EFHC1: variants seen among roughly 807,000 people sequenced by gnomAD.
EFHC1 encodes EF-hand domain-containing protein 1.
Under a neutral mutation model 69.9 loss-of-function variants are expected in EFHC1, and 53 were observed. The ratio of observed to expected loss-of-function variants is 0.76; its 90% CI spans 0.61 to 0.95. The LOEUF is 0.95. EFHC1 is among the 40% of genes least tolerant of loss of function. EFHC1 has a pLI of 0.00. For synonymous variants in EFHC1, 256 were observed against 278.4 expected (o/e 0.92, Z 0.80); for missense variants, 739 against 798.7 (o/e 0.93, Z 0.90).
chr6:52,429,032 A>G (rs1034870894), intron 2 of EFHC1, among the ~76,000 whole-genome samples: 2 of 151,982 alleles, frequency 1.3e-5, no homozygotes, highest in African/African-American at 2.4e-5. Context: ...CCACTTTTTG[A>G]TGGGCTTCTT....
chr6:52,448,048 G>A (rs931195086), intron 3 of EFHC1, among the ~76,000 whole-genome samples: 4 of 152,226 alleles, frequency 2.6e-5, no homozygotes, highest in South Asian at 2.1e-4. Flanking sequence ...CAGTCTGTCC[G>A]TTCTCAGATC....
At chr6:52,436,942 T>C (rs576741896) in intron 2 of EFHC1, among the ~76,000 whole-genome samples, 1 of 152,142 alleles carries the variant, frequency 6.6e-6, no homozygotes, top group African/African-American at 2.4e-5. Context: ...ACGCCTGGCA[T>C]AGTTTATGTT....
At chr6:52,467,517 T>C (rs1207549912) in intron 6 of EFHC1, among the ~76,000 whole-genome samples, 1 of 152,076 alleles carries the variant, frequency 6.6e-6, no homozygotes, top group Non-Finnish European at 1.5e-5. Context: ...TTTTGAGTCT[T>C]AGAATACCTC....
chr6:52,438,530 G>C lies in EFHC1; in HGVS notation c.512G>C (p.Gly171Ala). 2 of 1,614,024 alleles carry C rather than the reference G, an allele frequency of 1.2e-6. No homozygotes were observed. Among genetic ancestry groups the C allele is most frequent in the Non-Finnish European group, 1.7e-6 (2 of 1,179,950 alleles). Residue 171 changes from glycine to alanine, a missense_variant, in exon 3 of 11, where the codon GGA (glycine) becomes GCA (alanine). Gly to Ala is a moderately conservative substitution (Grantham distance 60). Coordinates refer to ENST00000371068, the MANE Select transcript of EFHC1 (RefSeq NM_018100.4). ...DHYHWKDLNR[G>A]INITIYGKTF... Reference sequence around the variant, plus strand: ...TACCATTGGAAAGACCTAAATCGAGGAATAAACATCACAATTTATGGCAAA... The same window carrying C: ...TACCATTGGAAAGACCTAAATCGAGCAATAAACATCACAATTTATGGCAAA...
chr6:52,441,354 C>T (rs909178187), intron 3 of EFHC1, among the ~76,000 whole-genome samples: 9 of 151,674 alleles, frequency 5.9e-5, no homozygotes, highest in Non-Finnish European at 8.9e-5. Flanking sequence ...AGCAGGTTAT[C>T]CCAGCACCTT....
intron 6 of EFHC1, chr6:52,468,498 A>G (rs1765360092): frequency 6.6e-6 from 1 of 152,192 alleles, no homozygotes; most frequent in Non-Finnish European, 1.5e-5. Flanking sequence ...ATTTGAGAAG[A>G]AGGCCCAGAG....
intron 9 of EFHC1, chr6:52,483,620 TC>T: frequency 6.6e-6 from 1 of 152,160 alleles, no homozygotes; most frequent in Middle Eastern, 3.2e-3. Flanking sequence ...GGTGGTTACT[TC>T]CGGATGTTGT....
chr6:52,453,591 T>C (rs1302125675), intron 4 of EFHC1: 5 of 1,263,802 alleles, frequency 4.0e-6, no homozygotes, highest in Non-Finnish European at 5.1e-6. Flanking sequence ...TTAAAGATTG[T>C]GTTTATTCCC....
chr6:52,441,799 T>C (rs1581821222), intron 3 of EFHC1, among the ~76,000 whole-genome samples: 1 of 152,158 alleles, frequency 6.6e-6, no homozygotes, highest in Non-Finnish European at 1.5e-5. Context: ...GTAATTCTCA[T>C]TGTAGAGATC....
In EFHC1 at chr6:52,480,150, CAT is replaced by C; in HGVS notation, c.1640+364_1640+365del. ...CAGTTGATTAACACATATTTTCTGT[CAT>C]GTGTATTGCATCCTGTATTCTTACA... On this transcript the variant is annotated intron_variant, in intron 9 of 10. Coordinates refer to ENST00000371068, the MANE Select transcript of EFHC1 (RefSeq NM_018100.4). The C allele has an allele frequency of 6.4e-6, 3 of 470,226 alleles. No individual in the cohort carries two copies. In the South Asian group the frequency reaches 7.6e-5, roughly 12 times the overall value. The allele number at this position is 470,226 out of a possible 1,614,324, so 29.1% of individuals were successfully genotyped here.
intron 3 of EFHC1, among the ~76,000 whole-genome samples, chr6:52,446,147 G>C (rs1764779175): frequency 6.6e-6 from 1 of 152,150 alleles, no homozygotes; most frequent in Admixed American, 6.6e-5. Context: ...TCTGTCTAAT[G>C]TTGACAGTGG....
chr6:52,428,273 T>G (rs1764342968), intron 2 of EFHC1: 1 of 152,126 alleles, frequency 6.6e-6, no homozygotes, highest in African/African-American at 2.4e-5. Context: ...TTTGTGAGAT[T>G]TTGGTGCACC....
In EFHC1 at chr6:52,478,429, A is replaced by G. The variant is rs1212451693; in HGVS notation, c.1279-608A>G. Among the ~76,000 whole-genome samples, 4 of 152,244 alleles carry G rather than the reference A, an allele frequency of 2.6e-5. No individual in the cohort carries two copies. The East Asian group carries it at 7.7e-4, about 29-fold the overall frequency. On this transcript the variant is annotated intron_variant, in intron 7 of 10. Transcript: ENST00000371068. ...ACCCTAAAACTTAAACTATAATAAA[A>G]AAAAAGAAAAAGTCTTGTCTACAAG...
intron 2 of EFHC1, among the ~76,000 whole-genome samples, chr6:52,436,841 C>T (rs1403145479): frequency 6.6e-6 from 1 of 152,056 alleles, no homozygotes; most frequent in Non-Finnish European, 1.5e-5. Context: ...GGGGTTTCAC[C>T]ATGTTGGCCA....
intron 9 of EFHC1, chr6:52,484,381 C>G (rs2114029841): frequency 6.6e-6 from 1 of 152,006 alleles, no homozygotes; most frequent in South Asian, 2.1e-4. Context: ...AACGATAAAC[C>G]CATTTCATGT....
At chr6:52,445,065 GTTT>G (rs60349597) in intron 3 of EFHC1, among the ~76,000 whole-genome samples, 1 of 139,960 alleles carries the variant, frequency 7.1e-6, no homozygotes, top group Admixed American at 7.2e-5. Context: ...AGATTTTCCA[GTTT>G]TTTTTTTTTT....
intron 2 of EFHC1, among the ~76,000 whole-genome samples, chr6:52,432,690 A>G (rs984405001): frequency 6.6e-6 from 1 of 152,136 alleles, no homozygotes; most frequent in Admixed American, 6.5e-5. Context: ...CTAGGTGATG[A>G]TCTTTTTGTA....
At chr6:52,477,784 T>C (rs911371252) in intron 7 of EFHC1, among the ~76,000 whole-genome samples, 1 of 152,156 alleles carries the variant, frequency 6.6e-6, no homozygotes, top group Non-Finnish European at 1.5e-5. Flanking sequence ...CAACAGGTGC[T>C]GGAGAGGATG....
chr6:52,421,128 A>G, intron 1 of EFHC1: 1 of 853,952 alleles, frequency 1.2e-6, no homozygotes, highest in Non-Finnish European at 1.4e-6. Flanking sequence ...TCCATCTTCT[A>G]CATTTTCCAC....
Sources: allele counts gnomAD v4.1 joint callset (sites outside exome capture counted in the v4.1 genomes callset), GRCh38; gene constraint gnomAD v4.1.1; transcripts MANE v1.5; gene names NCBI Gene and HGNC (gene_info 2026-07-23, HGNC 2026-07-21).